The following CHD2 variants were observed in gnomAD, a reference collection of about 807,000 sequenced individuals.
CHD2 encodes ATP-dependent chromatin remodeler CHD2.
Under a neutral mutation model 243.9 loss-of-function variants are expected in CHD2, and 28 were observed. The ratio of observed to expected loss-of-function variants is 0.11; its 90% CI spans 0.09 to 0.16. The LOEUF is 0.16. Among genes scored for constraint, CHD2 ranks in the 10% least tolerant of loss-of-function variants. CHD2 has a pLI of 1.00. For synonymous variants in CHD2, 775 were observed against 779.0 expected (o/e 0.99, Z 0.09); for missense variants, 1,386 against 2,209.8 (o/e 0.63, Z 7.47).
At chr15:93,019,653 G>T (rs1483672429) in intron 37 of CHD2, among the ~76,000 whole-genome samples, 1 of 152,130 alleles carries the variant, frequency 6.6e-6, no homozygotes, top group Non-Finnish European at 1.5e-5. Flanking sequence ...AAAAAATAAG[G>T]CTGGGCGTGG....
At chr15:92,940,042 T>C (rs1005422910) in intron 7 of CHD2, among the ~76,000 whole-genome samples, 11 of 152,384 alleles carry the variant, frequency 7.2e-5, no homozygotes, top group African/African-American at 2.4e-4. Flanking sequence ...ATTATATTCC[T>C]ACTTCTGAAT....
chr15:92,904,710 A>G, intron 2 of CHD2: 1 of 1,392,828 alleles, frequency 7.2e-7, no homozygotes, highest in South Asian at 1.6e-5. Context: ...CACTATTTGG[A>G]AATCTTAAAA....
chr15:92,929,421 T>TGGTATTGTA (rs1309234576), intron 5 of CHD2, among the ~76,000 whole-genome samples: 1 of 152,166 alleles, frequency 6.6e-6, no homozygotes, highest in Admixed American at 6.5e-5. Context: ...CACAGGTATT[T>TGGTATTGTA]GGTATTGTAG....
chr15:93,012,196 C>G (rs1004912262), intron 35 of CHD2, 149 bp from the exon 36 acceptor site: 13 of 491,502 alleles, frequency 2.6e-5, no homozygotes, highest in Non-Finnish European at 4.3e-5. Flanking sequence ...ATTATTAATG[C>G]AAATACCTGA....
At chr15:92,999,244 A>T (rs1434753933) in intron 31 of CHD2, among the ~76,000 whole-genome samples, 1 of 151,672 alleles carries the variant, frequency 6.6e-6, no homozygotes, top group African/African-American at 2.4e-5. Context: ...TCTTTATCCT[A>T]CTTTCTCAAT....
intron 16 of CHD2, among the ~76,000 whole-genome samples, chr15:92,959,307 G>A (rs1194929100): frequency 6.6e-6 from 1 of 152,192 alleles, no homozygotes; most frequent in Non-Finnish European, 1.5e-5. Flanking sequence ...AATTGTTCTA[G>A]TATCACTTGT....
rs570636628 is a variant in CHD2, at chr15:93,015,378, C to A, written c.4906+469C>A. 1.2e-4 allele frequency among the ~76,000 whole-genome samples: 18 copies of A among 152,304 alleles called. No homozygotes were observed. The South Asian group carries it at 2.5e-3, about 21-fold the overall frequency. Reference sequence around the variant, plus strand: ...ACAGGTGTGAACCACTGCGTCTGGCCCCCAGGACTATTATTTCAACTTCCG... The same window carrying A: ...ACAGGTGTGAACCACTGCGTCTGGCACCCAGGACTATTATTTCAACTTCCG... On this transcript the variant is annotated intron_variant, in intron 37 of 38. Coordinates refer to ENST00000394196, the MANE Select transcript of CHD2 (RefSeq NM_001271.4).
At position 92,984,512 on chromosome 15, in the gene CHD2, A is replaced by T; in HGVS notation, c.3237+12A>T. The T allele has an allele frequency of 1.9e-6, 3 of 1,600,176 alleles. No homozygotes were observed. The highest frequency in any genetic ancestry group is 2.6e-6 in the Non-Finnish European group (3 of 1,173,400). Reference sequence around the variant, plus strand: ...GTTCCACTAAAAAGGTGATCAAGTGAGATGAAAGATATGAAATTATTTCTT... The same window carrying T: ...GTTCCACTAAAAAGGTGATCAAGTGTGATGAAAGATATGAAATTATTTCTT... On this transcript the variant is annotated intron_variant, in intron 25 of 38. Transcript: ENST00000394196.
At chr15:92,910,722 G>A (rs1161274477) in intron 2 of CHD2, among the ~76,000 whole-genome samples, 1 of 152,218 alleles carries the variant, frequency 6.6e-6, no homozygotes, top group Middle Eastern at 3.4e-3. Flanking sequence ...TACCCATGCC[G>A]TTCTGTTCCT....
chr15:92,992,676 T>C (rs1258247258), intron 27 of CHD2, among the ~76,000 whole-genome samples, 183 bp from the exon 28 acceptor site: 1 of 152,190 alleles, frequency 6.6e-6, no homozygotes, highest in Non-Finnish European at 1.5e-5. Context: ...TGATGGAAAA[T>C]GAATGTGTTA....
At chr15:92,973,626 T>C (rs2053871243) in intron 19 of CHD2, among the ~76,000 whole-genome samples, 1 of 152,220 alleles carries the variant, frequency 6.6e-6, no homozygotes, top group Non-Finnish European at 1.5e-5. Flanking sequence ...TCTTAGAATA[T>C]AGCTTAAGGC....
chr15:92,993,948 G>C (rs1352923037), intron 28 of CHD2, among the ~76,000 whole-genome samples: 2 of 151,994 alleles, frequency 1.3e-5, no homozygotes, highest in Admixed American at 1.3e-4. Flanking sequence ...CTTCAGCCTG[G>C]GTGACAGAGC....
chr15:92,949,861 C>A (rs1005722982), intron 13 of CHD2, among the ~76,000 whole-genome samples: 4 of 152,246 alleles, frequency 2.6e-5, no homozygotes, highest in Admixed American at 6.5e-5. Context: ...GAGAGCACAC[C>A]GAACAAAGAA....
rs1327186627 is a variant in CHD2 at position 93,026,888 on chromosome 15, C to T, written c.*2183C>T. 5 of 152,720 alleles carry T rather than the reference C, an allele frequency of 3.3e-5. No homozygotes were observed. The highest frequency in any genetic ancestry group is 7.3e-5 in the Non-Finnish European group (5 of 68,084). 9.5% of individuals were successfully genotyped at this position (152,720 alleles called of 1,614,324 possible). A position where few individuals can be genotyped will look rare whatever the true frequency, so the allele number is the denominator to read the frequency against. ...AGGGGCAAAGGAGTCACCAGAGGTC[C>T]TGCATTTCCATCAGGGTTTCCACAG... On this transcript the variant is annotated 3_prime_UTR_variant, in exon 39 of 39. Transcript: ENST00000394196.
chr15:93,014,582 G>C, intron 36 of CHD2, 114 bp from the exon 37 acceptor site: 1 of 901,722 alleles, frequency 1.1e-6, no homozygotes, highest in South Asian at 1.7e-5. Flanking sequence ...GTAAACGCCA[G>C]TTCAGAAGTT....
Position 92,997,245 on chromosome 15 carries a change from T to C in CHD2, c.3735-8T>C, listed in dbSNP as rs1483515463. On this transcript the variant is annotated splice_region_variant and splice_polypyrimidine_tract_variant and intron_variant, in intron 29 of 38. Coordinates refer to ENST00000394196, the MANE Select transcript of CHD2 (RefSeq NM_001271.4). The surrounding 1 kb of genome is among the most constrained non-coding windows in gnomAD (Gnocchi z 4.1). ...TCTAATGTCTTCCTGTTTTTAAACT[T>C]TCTTTAGATACTGCTTAACCTGTCG... 1.2e-6 allele frequency: 2 copies of C among 1,613,856 alleles called. No individual in the cohort carries two copies. The highest frequency in any genetic ancestry group is 1.3e-5 in the African/African-American group (1 of 74,904).
chr15:92,917,792 TAC>T (rs900942386), intron 2 of CHD2, among the ~76,000 whole-genome samples: 7 of 152,176 alleles, frequency 4.6e-5, no homozygotes, highest in South Asian at 2.1e-4. Flanking sequence ...CACACGCACA[TAC>T]ACACACACAC....
At chr15:92,958,942 A>G (rs371357910) in intron 16 of CHD2, among the ~76,000 whole-genome samples, 2 of 152,350 alleles carry the variant, frequency 1.3e-5, no homozygotes, top group East Asian at 1.9e-4. Flanking sequence ...TGATTTAACA[A>G]TGTTTTAAAC....
chr15:92,985,625 G>C lies in CHD2; in HGVS notation c.3365G>C (p.Ser1122Thr). 2 of 1,613,794 alleles carry C rather than the reference G, an allele frequency of 1.2e-6. No homozygotes were observed. Among genetic ancestry groups the C allele is most frequent in the Non-Finnish European group, 1.7e-6 (2 of 1,179,982 alleles). Residue 1122 changes from serine to threonine, a missense_variant, in exon 26 of 39, where the codon AGT becomes ACT. Around this residue, in one of 19 missense-constraint regions of CHD2, gnomAD observed 18 missense variants for 20.6 expected, o/e 0.88. Transcript: ENST00000394196. ...CCAAAGCGCAGAGGGCGTCCGAGGA[G>C]TGTGCGGAAGGACCTCGTGGAGGGA... is the stretch of plus-strand genomic sequence containing the variant. The part of the protein sequence containing the change: ...KKPKRRGRPR[S>T]VRKDLVEGFT...
Sources: allele counts gnomAD v4.1 joint callset (sites outside exome capture counted in the v4.1 genomes callset), GRCh38; gene constraint gnomAD v4.1.1; regional missense constraint gnomAD v4.1.1; non-coding constraint Gnocchi (gnomAD v3.1); transcripts MANE v1.5; gene names NCBI Gene and HGNC (gene_info 2026-07-23, HGNC 2026-07-21).